The following VPS8 variants were observed in gnomAD, a reference collection of about 807,000 sequenced individuals.
VPS8 encodes the protein VPS8 subunit of CORVET complex, also known as vacuolar protein sorting-associated protein 8 homolog.
VPS8 carries 129 observed loss-of-function variants against 216.4 expected under a neutral mutation model. The observed-to-expected ratio is 0.60, with a 90% confidence interval of 0.52 to 0.69. The LOEUF (loss-of-function observed/expected upper bound fraction) is 0.69. VPS8 is among the 30% of genes least tolerant of loss of function. VPS8 has a pLI of 0.00. For missense variants in VPS8, 1,531 were observed against 1,683.5 expected (o/e 0.91, Z 1.59); for synonymous variants, 571 against 565.4 (o/e 1.01, Z -0.14).
chr3:184,849,442 AC>A, intron 9 of VPS8: 1 of 330,218 alleles, frequency 3.0e-6, no homozygotes. Flanking sequence ...ATTTTTGTAA[AC>A]CAACCAGGGA....
Position 184,960,264 on chromosome 3 carries a change from G to C in VPS8, c.3183+2743G>C, listed in dbSNP as rs559317350. 2.0e-5 allele frequency among the ~76,000 whole-genome samples: 3 copies of C among 152,172 alleles called. No homozygotes were observed. The South Asian group carries it at 6.2e-4, about 32-fold the overall frequency. ...TGTTGGACATTTGGGTTGGTTCCAA[G>C]TCTTTGCTATTGTGAATAGTGTTGC... On this transcript the variant is annotated intron_variant, in intron 37 of 47. Coordinates refer to ENST00000625842, the MANE Select transcript of VPS8 (RefSeq NM_001009921.3).
intron 21 of VPS8, among the ~76,000 whole-genome samples, chr3:184,872,798 G>A (rs376583323): frequency 1.3e-5 from 2 of 151,992 alleles, no homozygotes; most frequent in African/African-American, 2.4e-5. Flanking sequence ...AAAAATATGG[G>A]CACAATCACA....
At chr3:184,955,469 GA>G (rs1253996969) in intron 36 of VPS8, among the ~76,000 whole-genome samples, 1 of 151,984 alleles carries the variant, frequency 6.6e-6, no homozygotes, top group African/African-American at 2.4e-5. Flanking sequence ...TTATCACTTA[GA>G]AGATTCATCC....
chr3:184,835,709 CTTTTTTTT>C (rs34896906), intron 5 of VPS8, among the ~76,000 whole-genome samples: 73 of 126,760 alleles, frequency 5.8e-4, no homozygotes, highest in Non-Finnish European at 1.0e-3. Context: ...TTGGATTTTT[CTTTTTTTT>C]TTTTTTTTTT....
chr3:184,881,805 G>A (rs1406162632), intron 21 of VPS8, among the ~76,000 whole-genome samples: 1 of 151,904 alleles, frequency 6.6e-6, no homozygotes, highest in Admixed American at 6.6e-5. Flanking sequence ...GTATACAGGT[G>A]CTATACATGG....
At chr3:185,016,139 C>T (rs1479670211) in intron 45 of VPS8, among the ~76,000 whole-genome samples, 1 of 152,164 alleles carries the variant, frequency 6.6e-6, no homozygotes, top group Non-Finnish European at 1.5e-5. Context: ...TAGAGCAGGT[C>T]ATATCCAATT....
chr3:184,814,731 A>C (rs1484866085), intron 1 of VPS8, among the ~76,000 whole-genome samples: 1 of 152,236 alleles, frequency 6.6e-6, no homozygotes, highest in East Asian at 1.9e-4. Flanking sequence ...GTGAAGGCCT[A>C]GGACATTATT....
At position 184,868,326 on chromosome 3, in the gene VPS8, T is replaced by C. The variant is rs545621422; in HGVS notation, c.1506+267T>C. On this transcript the variant is annotated intron_variant, in intron 18 of 47. Transcript: ENST00000625842. ...TGTAAAAGCACCTGGAGCTAGGTGG[T>C]CCGCAGCTCTTGTAGGAATTCCATA... The C allele has an allele frequency of 4.7e-5, 18 of 380,036 alleles. No homozygotes were observed. The South Asian group carries it at 7.6e-4, about 16-fold the overall frequency. The allele number at this position is 380,036 out of a possible 1,614,324, so 23.5% of individuals were successfully genotyped here. A position where few individuals can be genotyped will look rare whatever the true frequency, so the allele number is the denominator to read the frequency against.
intron 16 of VPS8, among the ~76,000 whole-genome samples, chr3:184,866,431 C>G (rs1379011068): frequency 6.6e-6 from 1 of 152,174 alleles, no homozygotes; most frequent in Non-Finnish European, 1.5e-5. Flanking sequence ...GTACAAGGAT[C>G]TTTGCAGAGT....
intron 18 of VPS8, 96 bp from the exon 19 acceptor site, chr3:184,868,850 A>C (rs1405867264): frequency 2.0e-6 from 2 of 1,018,942 alleles, no homozygotes; most frequent in Non-Finnish European, 2.9e-6. Flanking sequence ...TTAGCCACTA[A>C]GCAGCAACTT....
chr3:184,864,545 A>C (rs186719017), intron 16 of VPS8, among the ~76,000 whole-genome samples: 108 of 152,328 alleles, frequency 7.1e-4, no homozygotes, highest in African/African-American at 2.5e-3. Flanking sequence ...TAGTGCTCAC[A>C]CAGGGCTGAA....
chr3:184,973,848 C>T (rs1443922997), intron 40 of VPS8, among the ~76,000 whole-genome samples: 2 of 152,148 alleles, frequency 1.3e-5, no homozygotes, highest in Non-Finnish European at 1.5e-5. Flanking sequence ...CCTCCCCTTC[C>T]ATCCTTGTTG....
At chr3:184,937,535 A>G (rs575474797) in intron 35 of VPS8, among the ~76,000 whole-genome samples, 10 of 152,342 alleles carry the variant, frequency 6.6e-5, no homozygotes, top group Admixed American at 2.6e-4. Context: ...AAGCACTTGC[A>G]TAATTATAGT....
At chr3:185,037,065 CTT>C (rs147431217) in intron 46 of VPS8, among the ~76,000 whole-genome samples, 5 of 143,182 alleles carry the variant, frequency 3.5e-5, no homozygotes, top group Non-Finnish European at 1.5e-5. Context: ...TTTGCAGTTC[CTT>C]TTTTTTTTTT....
At chr3:184,965,727 G>T (rs913260422) in intron 38 of VPS8, among the ~76,000 whole-genome samples, 7 of 152,198 alleles carry the variant, frequency 4.6e-5, no homozygotes, top group Non-Finnish European at 8.8e-5. Flanking sequence ...ACTGTTGGGG[G>T]ATGGAAGGCA....
chr3:184,917,244 T>C (rs573821284), intron 28 of VPS8, among the ~76,000 whole-genome samples: 4 of 152,220 alleles, frequency 2.6e-5, no homozygotes, highest in African/African-American at 9.6e-5. Flanking sequence ...TAGAAAGGCC[T>C]GGAAATGAGA....
intron 22 of VPS8, among the ~76,000 whole-genome samples, chr3:184,890,575 T>C (rs1222326181): frequency 6.6e-6 from 1 of 152,168 alleles, no homozygotes; most frequent in Non-Finnish European, 1.5e-5. Flanking sequence ...ATAACTCAGA[T>C]AATTCAGTAC....
chr3:185,045,369 C>T (rs1179247056), intron 46 of VPS8, among the ~76,000 whole-genome samples: 1 of 152,150 alleles, frequency 6.6e-6, no homozygotes, highest in Non-Finnish European at 1.5e-5. Context: ...TGGAAGGCTT[C>T]GTGTCCAGTA....
rs1479363692 is a variant in VPS8, at chr3:184,940,223, G to A, written c.3015G>A (p.Leu1005=). Residue 1005 remains leucine, a synonymous_variant, in exon 36 of 48, where the codon TTG becomes TTA. Coordinates refer to ENST00000625842, the MANE Select transcript of VPS8 (RefSeq NM_001009921.3). ...LQNQVLLFKF[L]RSLLDPREGI... ...ACCAGGTTTTGCTTTTCAAATTTTT[G>A]AGGAGTCTTCTTGACCCAAGGTATG... 3 of 1,485,872 alleles carry A rather than the reference G, an allele frequency of 2.0e-6. No individual in the cohort carries two copies. The highest frequency in any genetic ancestry group is 2.6e-5 in the East Asian group (1 of 39,108). 92.0% of individuals were successfully genotyped at this position (1,485,872 alleles called of 1,614,324 possible).
Sources: allele counts gnomAD v4.1 joint callset (sites outside exome capture counted in the v4.1 genomes callset), GRCh38; gene constraint gnomAD v4.1.1; transcripts MANE v1.5; gene names NCBI Gene and HGNC (gene_info 2026-07-23, HGNC 2026-07-21).